SENP7: variants seen among roughly 807,000 people sequenced by gnomAD.
SENP7 encodes sentrin-specific protease 7.
Under a neutral mutation model 141.2 loss-of-function variants are expected in SENP7, and 64 were observed. The observed-to-expected ratio is 0.45, with a 90% CI of 0.37 to 0.56. The LOEUF is 0.56. Among genes scored for constraint, SENP7 ranks in the 20% least tolerant of loss-of-function variants. The probability of loss-of-function intolerance (pLI) is 0.00; values close to 1 mark genes in which losing one functional copy is unlikely to be tolerated. For synonymous variants in SENP7, 382 were observed against 426.4 expected, an observed-to-expected ratio of 0.90 and a Z score of 1.28; for missense variants, 1,025 against 1,212.2, an observed-to-expected ratio of 0.85 and a Z score of 2.29.
At chr3:101,403,510 T>C (rs1231314881) in intron 5 of SENP7, among the ~76,000 whole-genome samples, 1 of 152,192 alleles carries the variant, frequency 6.6e-6, no homozygotes, top group Non-Finnish European at 1.5e-5. Flanking sequence ...CTTTGGGGGT[T>C]TTTTGTCTGT....
At chr3:101,489,165 G>A (rs1437661687) in intron 3 of SENP7, among the ~76,000 whole-genome samples, 3 of 152,102 alleles carry the variant, frequency 2.0e-5, no homozygotes, top group Admixed American at 1.3e-4. Context: ...CCTTAAGGGA[G>A]TACTAAACAT....
intron 4 of SENP7, among the ~76,000 whole-genome samples, chr3:101,453,124 A>C (rs566795035): frequency 8.0e-4 from 122 of 152,380 alleles, no homozygotes; most frequent in African/African-American, 2.7e-3. Context: ...AATGCTCATC[A>C]TCAATGGCCA....
intron 6 of SENP7, among the ~76,000 whole-genome samples, chr3:101,392,867 C>G (rs2060854837): frequency 6.6e-6 from 1 of 152,030 alleles, no homozygotes; most frequent in Non-Finnish European, 1.5e-5. Context: ...ATCTGTAGTC[C>G]CAGCTATTCA....
intron 1 of SENP7, among the ~76,000 whole-genome samples, chr3:101,505,975 A>ACTAAAAG (rs1257190636): frequency 6.6e-6 from 1 of 152,044 alleles, no homozygotes; most frequent in African/African-American, 2.4e-5. Flanking sequence ...GAGTCAAAAA[A>ACTAAAAG]CTAAAAGCAT....
intron 4 of SENP7, among the ~76,000 whole-genome samples, chr3:101,452,642 T>C (rs2063186576): frequency 1.3e-5 from 2 of 152,156 alleles, no homozygotes; most frequent in Non-Finnish European, 2.9e-5. Flanking sequence ...TAAATGGTGC[T>C]GGGAAAACTG....
intron 4 of SENP7, among the ~76,000 whole-genome samples, chr3:101,441,847 CCA>C: frequency 6.6e-6 from 1 of 152,286 alleles, no homozygotes; most frequent in South Asian, 2.1e-4. Flanking sequence ...CCGTTAGAAA[CCA>C]CAGATTCACT....
intron 4 of SENP7, among the ~76,000 whole-genome samples, chr3:101,426,015 GA>G (rs1400499475): frequency 6.6e-6 from 1 of 152,176 alleles, no homozygotes; most frequent in Non-Finnish European, 1.5e-5. Context: ...ATTATGTAAA[GA>G]GACTAAACCT....
chr3:101,408,685 A>G (rs1013543071), intron 5 of SENP7, among the ~76,000 whole-genome samples: 8 of 152,218 alleles, frequency 5.3e-5, no homozygotes, highest in Non-Finnish European at 1.0e-4. Context: ...CAAAAATCCC[A>G]TGATCACCTC....
chr3:101,400,102 T>C (rs1406153931), intron 5 of SENP7, among the ~76,000 whole-genome samples: 1 of 152,228 alleles, frequency 6.6e-6, no homozygotes, highest in Non-Finnish European at 1.5e-5. Flanking sequence ...GAACATTACT[T>C]TGCCACACTA....
intron 3 of SENP7, among the ~76,000 whole-genome samples, chr3:101,477,649 G>A (rs138945147): frequency 0.024 from 3,639 of 152,128 alleles, 166 homozygotes; most frequent in African/African-American, 0.084. Context: ...TCAGGAGTTT[G>A]AGACCAACCT....
In SENP7 at chr3:101,327,251, C is replaced by A. The variant is rs551695656; in HGVS notation, c.3015+415G>T. Reference sequence around the variant, plus strand: ...GTGATATAGTTTTGCTGTGCCCCGACCCAAATCTCATCTTGAATTGTAGTT... The same window carrying A: ...GTGATATAGTTTTGCTGTGCCCCGAACCAAATCTCATCTTGAATTGTAGTT... On this transcript the variant is annotated intron_variant, in intron 23 of 23. Coordinates refer to ENST00000394095, the MANE Select transcript of SENP7 (RefSeq NM_020654.5). Among the ~76,000 whole-genome samples the A allele has an allele frequency of 2.6e-5, 4 of 152,104 alleles. No homozygotes were observed. In the South Asian group the frequency reaches 8.3e-4, roughly 32 times the overall value.
intron 12 of SENP7, among the ~76,000 whole-genome samples, chr3:101,351,200 A>T (rs2059603847): frequency 6.6e-6 from 1 of 152,030 alleles, no homozygotes; most frequent in Non-Finnish European, 1.5e-5. Flanking sequence ...TATAAGTTAC[A>T]GGTACATTTT....
At chr3:101,419,867 A>C (rs2061735673) in intron 4 of SENP7, among the ~76,000 whole-genome samples, 1 of 152,176 alleles carries the variant, frequency 6.6e-6, no homozygotes. Flanking sequence ...AATCCTCACA[A>C]CCACTCCATG....
chr3:101,392,742 G>A (rs1284682058), intron 6 of SENP7, among the ~76,000 whole-genome samples: 3 of 152,180 alleles, frequency 2.0e-5, no homozygotes, highest in Non-Finnish European at 4.4e-5. Context: ...GCAATACTGA[G>A]CAAAAAGAAC....
At chr3:101,375,901 G>C (rs1210634028) in intron 6 of SENP7, among the ~76,000 whole-genome samples, 1 of 152,066 alleles carries the variant, frequency 6.6e-6, no homozygotes, top group African/African-American at 2.4e-5. Flanking sequence ...CACTTAAAGA[G>C]GTAACTAAAA....
intron 11 of SENP7, chr3:101,358,428 A>C: frequency 5.0e-6 from 2 of 401,594 alleles, no homozygotes; most frequent in Non-Finnish European, 9.9e-6. Context: ...AACCCTATAA[A>C]TGTGATGAAT....
Position 101,324,735 on chromosome 3 carries a change from GA to G in SENP7, c.*1207del, listed in dbSNP as rs1479250868. On this transcript the variant is annotated 3_prime_UTR_variant, in exon 24 of 24. Coordinates refer to ENST00000394095, the MANE Select transcript of SENP7 (RefSeq NM_020654.5). ...TTATGTAGTTATAATGTAAATCTAA[GA>G]GATGCTTAAAACAGATTAAAATAAT... The G allele has an allele frequency of 6.6e-6, 1 of 151,912 alleles. No homozygotes were observed. The highest frequency in any genetic ancestry group is 2.4e-5 in the African/African-American group (1 of 41,406). 9.4% of individuals were successfully genotyped at this position (151,912 alleles called of 1,614,324 possible).
intron 4 of SENP7, among the ~76,000 whole-genome samples, chr3:101,444,779 T>C (rs2062825232): frequency 6.6e-6 from 1 of 150,956 alleles, no homozygotes; most frequent in African/African-American, 2.4e-5. Flanking sequence ...CATTGGGAGA[T>C]ATACCTAATG....
At chr3:101,406,284 G>A (rs2061301367) in intron 5 of SENP7, among the ~76,000 whole-genome samples, 1 of 152,124 alleles carries the variant, frequency 6.6e-6, no homozygotes, top group African/African-American at 2.4e-5. Flanking sequence ...TCCTTTGTAG[G>A]CACACGGATG....
Sources: allele counts gnomAD v4.1 joint callset (sites outside exome capture counted in the v4.1 genomes callset), GRCh38; gene constraint gnomAD v4.1.1; transcripts MANE v1.5; gene names NCBI Gene and HGNC (gene_info 2026-07-23, HGNC 2026-07-21).